The following PUS7 variants were observed in gnomAD, a reference collection of about 807,000 sequenced individuals.
PUS7 encodes pseudouridylate synthase 7 homolog.
In PUS7, 48 loss-of-function variants were observed where a neutral mutation model predicts 79.8. The observed-to-expected ratio is 0.60, with a 90% confidence interval of 0.48 to 0.76. The LOEUF (loss-of-function observed/expected upper bound fraction) is 0.76, where lower values mean the gene tolerates loss of function less well. PUS7 is among the 30% of genes least tolerant of loss of function. The probability of loss-of-function intolerance (pLI) is 0.00; values close to 1 mark genes in which losing one functional copy is unlikely to be tolerated. For missense variants in PUS7, 729 were observed against 797.6 expected (o/e 0.91, Z 1.04); for synonymous variants, 286 against 272.2 (o/e 1.05, Z -0.50).
intron 5 of PUS7, among the ~76,000 whole-genome samples, chr7:105,501,338 G>A (rs960110336): frequency 2.6e-5 from 4 of 151,962 alleles, no homozygotes; most frequent in African/African-American, 9.7e-5. Context: ...GGAGGGTGAG[G>A]AAATAACTTT....
intron 3 of PUS7, 27 bp downstream of exon 3, chr7:105,506,162 T>C (rs1251125212): frequency 1.3e-6 from 2 of 1,586,416 alleles, no homozygotes; most frequent in Admixed American, 3.5e-5. Flanking sequence ...ATACAGAAGG[T>C]GACATTTGCT....
intron 9 of PUS7, 132 bp downstream of exon 9, chr7:105,480,920 C>T: frequency 1.8e-6 from 2 of 1,137,664 alleles, no homozygotes. Context: ...TAACTTAAAA[C>T]AAAAATCATG....
Position 105,461,882 on chromosome 7 carries a change from A to T in PUS7, c.1757+739T>A, listed in dbSNP as rs79396746. Among the ~76,000 whole-genome samples, 1,212 of 152,254 alleles carry T rather than the reference A, an allele frequency of 8.0e-3. 46 individuals are homozygous for T. In the East Asian group the frequency reaches 0.12, roughly 15 times the overall value. ...GGTTTAAGTACTTGTGCATCTAAAC[A>T]TAGAAAAGGCACAGGCTGGATGTGG... On this transcript the variant is annotated intron_variant, in intron 14 of 15. Transcript: ENST00000469408.
At chr7:105,498,654 G>T (rs1393779991) in intron 5 of PUS7, among the ~76,000 whole-genome samples, 1 of 152,120 alleles carries the variant, frequency 6.6e-6, no homozygotes, top group Non-Finnish European at 1.5e-5. Flanking sequence ...CTTATTCAAG[G>T]TCATTCCCAC....
chr7:105,491,389 A>G (rs957049847), intron 7 of PUS7, 151 bp downstream of exon 7: 9 of 451,900 alleles, frequency 2.0e-5, no homozygotes, highest in Non-Finnish European at 3.5e-5. Context: ...CATAGATAAG[A>G]AGAAGAAAAA....
intron 1 of PUS7, among the ~76,000 whole-genome samples, chr7:105,520,334 C>T (rs1035802129): frequency 1.1e-4 from 17 of 151,886 alleles, no homozygotes; most frequent in African/African-American, 4.1e-4. Context: ...TGGCGGGCGC[C>T]TGTAGTCCCA....
chr7:105,479,433 T>C (rs910693778), intron 9 of PUS7, among the ~76,000 whole-genome samples: 3 of 152,076 alleles, frequency 2.0e-5, no homozygotes, highest in Admixed American at 6.6e-5. Flanking sequence ...TTTGCTAACA[T>C]GAAGGGTCTG....
intron 7 of PUS7, among the ~76,000 whole-genome samples, chr7:105,489,710 T>C (rs1824705445): frequency 6.6e-6 from 1 of 152,128 alleles, no homozygotes. Context: ...GTTCAACAAC[T>C]ACATTATTTC....
At position 105,502,434 on chromosome 7, in the gene PUS7, T is replaced by C. The variant is rs746060777; in HGVS notation, c.716A>G (p.Lys239Arg). Reference protein sequence around the residue: ...KYIVAYHAAGKKALANPRKHS... With the variant: ...KYIVAYHAAGRKALANPRKHS... ...CAGACACCTACTTGCCAAAGCCTTT[T>C]TCCCAGCTGCGTGGTAGGCTACAAT... is the stretch of plus-strand genomic sequence containing the variant. The change falls in exon 5 of 16, where the codon AAA becomes AGA. Residue 239 changes from lysine to arginine, a missense_variant. Physicochemically the swap from Lys to Arg is conservative, Grantham distance 26. Coordinates refer to ENST00000469408, the MANE Select transcript of PUS7 (RefSeq NM_019042.5). 3 of 1,614,166 alleles carry C rather than the reference T, an allele frequency of 1.9e-6. No homozygotes were observed. The highest frequency in any genetic ancestry group is 2.5e-6 in the Non-Finnish European group (3 of 1,180,016).
intron 7 of PUS7, among the ~76,000 whole-genome samples, chr7:105,487,047 C>T (rs974687101): frequency 5.3e-5 from 8 of 151,798 alleles, no homozygotes; most frequent in African/African-American, 1.5e-4. Context: ...GATAACAGAA[C>T]GAGACCCTGT....
chr7:105,481,154 T>C lies in PUS7; in HGVS notation c.1073A>G (p.Gln358Arg), dbSNP rs745727728. 3.0e-5 allele frequency: 49 copies of C among 1,610,092 alleles called. 1 individual carries two copies. The Admixed American group carries it at 8.1e-4, about 27-fold the overall frequency. ...GAGAGAGTTCATAGCTTGCTGTACT[T>C]GGTCATCAGTTCCTGTTATATTTCT... ...VLRNITGTDD[Q>R]VQQAMNSLKE... Residue 358 changes from glutamine (Q) to arginine (R), a missense_variant, in exon 9 of 16, where the codon CAA (glutamine) becomes CGA (arginine). By Grantham distance (43) the Gln-to-Arg change is conservative (BLOSUM62 1). Coordinates refer to ENST00000469408, the MANE Select transcript of PUS7 (RefSeq NM_019042.5).
chr7:105,504,770 C>T (rs964578598), intron 4 of PUS7, among the ~76,000 whole-genome samples: 1 of 152,100 alleles, frequency 6.6e-6, no homozygotes, highest in African/African-American at 2.4e-5. Context: ...CAGGAATTTT[C>T]CTCTTGGCAT....
chr7:105,458,292 G>A (rs917032397), intron 15 of PUS7, among the ~76,000 whole-genome samples: 11 of 152,016 alleles, frequency 7.2e-5, no homozygotes, highest in African/African-American at 2.4e-4. Flanking sequence ...ACAGAGTCTT[G>A]TTATGTTGCC....
intron 1 of PUS7, among the ~76,000 whole-genome samples, chr7:105,517,166 C>CTTTTTTTTTT (rs1289590315): frequency 3.1e-4 from 45 of 146,622 alleles, no homozygotes; most frequent in Non-Finnish European, 6.1e-4. Context: ...CTTCACATTT[C>CTTTTTTTTTT]TTTTTTTGGC....
At chr7:105,485,837 C>G (rs370944194) in intron 7 of PUS7, among the ~76,000 whole-genome samples, 1 of 152,076 alleles carries the variant, frequency 6.6e-6, no homozygotes, top group African/African-American at 2.4e-5. Context: ...TCTCTGTCGC[C>G]CAGGTTGGAG....
chr7:105,474,930 G>C (rs1824028657), intron 9 of PUS7, among the ~76,000 whole-genome samples: 2 of 152,202 alleles, frequency 1.3e-5, no homozygotes, highest in Non-Finnish European at 2.9e-5. Flanking sequence ...CTTTTGCAGT[G>C]TAACTCCAGA....
intron 6 of PUS7, among the ~76,000 whole-genome samples, chr7:105,494,851 C>T (rs571649324): frequency 1.3e-5 from 2 of 151,858 alleles, no homozygotes; most frequent in East Asian, 3.9e-4. Flanking sequence ...TGGCATACGC[C>T]TGTAATCCCA....
chr7:105,484,327 T>C lies in PUS7; in HGVS notation c.921-1887A>G, dbSNP rs534815829. Among the ~76,000 whole-genome samples the C allele has an allele frequency of 3.9e-5, 6 of 152,160 alleles. No homozygotes were observed. The East Asian group carries it at 9.7e-4, about 25-fold the overall frequency. On this transcript the variant is annotated intron_variant, in intron 7 of 15. Transcript: ENST00000469408. ...GGCATTCTTCTGTAAATAAAAACTA[T>C]GTAGGGGCCAGGCACAGTGGTTTAC...
chr7:105,509,274 C>T (rs1562819534), intron 1 of PUS7, among the ~76,000 whole-genome samples: 1 of 147,278 alleles, frequency 6.8e-6, no homozygotes, highest in Non-Finnish European at 1.5e-5. Flanking sequence ...TCCTAAAAAT[C>T]ATTTATAGAA....
Sources: allele counts gnomAD v4.1 joint callset (sites outside exome capture counted in the v4.1 genomes callset), GRCh38; gene constraint gnomAD v4.1.1; transcripts MANE v1.5; gene names NCBI Gene and HGNC (gene_info 2026-07-23, HGNC 2026-07-21).